Variants in CDK11B observed in about 807,000 individuals in gnomAD.
CDK11B encodes cyclin dependent kinase 11B, also known as cyclin-dependent kinase 11B.
In CDK11B, 37 loss-of-function variants were observed where a neutral mutation model predicts 84.0. The observed-to-expected ratio is 0.44, with a 90% CI of 0.34 to 0.58. CDK11B has a LOEUF of 0.58. Among genes scored for constraint, CDK11B ranks in the 20% least tolerant of loss-of-function variants. The pLI, the probability that CDK11B is intolerant of heterozygous loss-of-function variation, is 0.02. For synonymous variants in CDK11B, 269 were observed against 309.8 expected (o/e 0.87, Z 1.38); for missense variants, 427 against 834.0 (o/e 0.51, Z 6.01).
At position 1,636,140 on chromosome 1, in the gene CDK11B, G is replaced by A. The variant is rs1639236728; in HGVS notation, c.2067-14C>T. On this transcript the variant is annotated splice_polypyrimidine_tract_variant and intron_variant, in intron 18 of 19. Coordinates refer to ENST00000341832, the MANE Select transcript of CDK11B (RefSeq NM_033486.3). ...TAGGTCAGGAACCTGGGGGGAGAGGGCCAGAGGCCCAGGAGGTGCTCGTGT... is the reference window on the plus strand; with the variant it reads ...TAGGTCAGGAACCTGGGGGGAGAGGACCAGAGGCCCAGGAGGTGCTCGTGT... 5.2e-6 allele frequency: 3 copies of A among 574,212 alleles called. No individual in the cohort carries two copies. Among genetic ancestry groups the A allele is most frequent in the African/African-American group, 4.3e-5 (2 of 46,126 alleles). 35.6% of individuals were successfully genotyped at this position (574,212 alleles called of 1,614,324 possible). A position where few individuals can be genotyped will look rare whatever the true frequency, so the allele number is the denominator to read the frequency against.
intron 5 of CDK11B, among the ~76,000 whole-genome samples, chr1:1,648,221 C>T (rs1428719568): frequency 6.6e-6 from 1 of 152,224 alleles, no homozygotes; most frequent in Non-Finnish European, 1.5e-5. Context: ...CCTGTCTTTA[C>T]CTTCTGGGAA....
At chr1:1,651,559 C>G (rs1464587908) in intron 4 of CDK11B, among the ~76,000 whole-genome samples, 1 of 151,166 alleles carries the variant, frequency 6.6e-6, no homozygotes, top group African/African-American at 2.5e-5. Flanking sequence ...CTGTGACACA[C>G]GCATGCTTTC....
At chr1:1,654,327 T>C (rs1046242377) in intron 3 of CDK11B, among the ~76,000 whole-genome samples, 7 of 152,206 alleles carry the variant, frequency 4.6e-5, no homozygotes, top group South Asian at 2.1e-4. Flanking sequence ...GTCTCATCCA[T>C]TTCCTTGTCT....
chr1:1,655,617 G>A, intron 2 of CDK11B, 133 bp from the exon 3 acceptor site: 2 of 1,340,318 alleles, frequency 1.5e-6, no homozygotes, highest in African/African-American at 1.5e-5. Context: ...GAATGAGCCA[G>A]TGTTATAAAA....
chr1:1,653,231 G>C (rs1332364674), intron 3 of CDK11B, among the ~76,000 whole-genome samples: 1 of 150,932 alleles, frequency 6.6e-6, no homozygotes, highest in Admixed American at 6.6e-5. Context: ...CACCATATTG[G>C]TCAGGCTGGT....
intron 10 of CDK11B, among the ~76,000 whole-genome samples, chr1:1,640,721 T>C (rs1171997363): frequency 1.3e-5 from 2 of 152,196 alleles, no homozygotes; most frequent in African/African-American, 4.8e-5. Flanking sequence ...GCTGAGGACA[T>C]AACCTCACTG....
rs753866422 is a variant in CDK11B at position 1,637,192 on chromosome 1, C to G, written c.1581G>C (p.Lys527Asn). 4 of 1,613,412 alleles carry G rather than the reference C, an allele frequency of 2.5e-6. No individual in the cohort carries two copies. The highest frequency in any genetic ancestry group is 1.7e-5 in the Admixed American group (1 of 60,016). ...CACGCAGCAGCTGGATCATCAGGGT[C>G]TTCACCTCCCCTGGGAGGGAGGGAA... ...MKQPFLPGEVKTLMIQLLRGV... is the reference protein window; with the variant it reads ...MKQPFLPGEVNTLMIQLLRGV... Residue 527 changes from lysine (K) to asparagine (N), a missense_variant, in exon 15 of 20, where the codon AAG becomes AAC. Lys to Asn is a moderately conservative substitution (Grantham distance 94, BLOSUM62 0). This residue lies in a region of CDK11B where 19 missense variants were observed against 22.5 expected (regional missense o/e 0.85). Transcript: ENST00000341832.
chr1:1,650,516 C>T lies in CDK11B; in HGVS notation c.356-879G>A, dbSNP rs1279254942. Among the ~76,000 whole-genome samples the T allele has an allele frequency of 2.6e-3, 394 of 151,006 alleles. 1 individual carries two copies. The South Asian group carries it at 0.031, about 12-fold the overall frequency. On this transcript the variant is annotated intron_variant, in intron 4 of 19. Transcript: ENST00000341832. ...GAGTAGCTGGTACTACAGGCGCCTG[C>T]CACCACGCCCGGCTAATTTTTTGTC...
At chr1:1,638,135 C>T (rs993364951) in intron 12 of CDK11B, among the ~76,000 whole-genome samples, 7 of 152,058 alleles carry the variant, frequency 4.6e-5, no homozygotes, top group African/African-American at 1.7e-4. Flanking sequence ...CCAGCGGCCA[C>T]GCCGACTCCA....
intron 11 of CDK11B, among the ~76,000 whole-genome samples, chr1:1,639,948 G>A (rs1013276921): frequency 6.6e-5 from 10 of 151,614 alleles, no homozygotes; most frequent in South Asian, 6.3e-4. Flanking sequence ...CCACGCAGGG[G>A]TCAAGTGGAA....
intron 15 of CDK11B, 37 bp from the exon 16 acceptor site, chr1:1,637,041 G>C: frequency 6.2e-7 from 1 of 1,613,276 alleles, no homozygotes; most frequent in East Asian, 2.2e-5. Flanking sequence ...GTGGGCCCCG[G>C]CAGGTCTCCC....
Position 1,636,995 on chromosome 1 carries a change from A to C in CDK11B, c.1702T>G (p.Phe568Val), listed in dbSNP as rs1420640807. ...GATCCGTACTCCCGCGCCAGCCCGA[A>C]GTCACCCACCTGCAACGACAGATGG... ...SHAGILKVGDFGLAREYGSPL... is the reference protein window; with the variant it reads ...SHAGILKVGDVGLAREYGSPL... The change falls in exon 16 of 20, where the codon TTC (phenylalanine) becomes GTC (valine). Residue 568 changes from phenylalanine (F) to valine (V), a missense_variant. Physicochemically the swap from Phe to Val is conservative, Grantham distance 50 (BLOSUM62 -1). Coordinates refer to ENST00000341832, the MANE Select transcript of CDK11B (RefSeq NM_033486.3). 1.2e-6 allele frequency: 2 copies of C among 1,612,336 alleles called. No individual in the cohort carries two copies. The highest frequency in any genetic ancestry group is 8.5e-7 in the Non-Finnish European group (1 of 1,179,160).
intron 3 of CDK11B, among the ~76,000 whole-genome samples, chr1:1,654,563 G>A (rs1334306138): frequency 2.0e-5 from 3 of 152,046 alleles, no homozygotes; most frequent in African/African-American, 4.8e-5. Flanking sequence ...GATTACAGGC[G>A]TGAGCTGCCG....
rs1639567315 is a variant in CDK11B at position 1,637,581 on chromosome 1, G to A, written c.1465-68C>T. The A allele has an allele frequency of 1.9e-6, 3 of 1,608,136 alleles. No individual in the cohort carries two copies. In the African/African-American group the frequency reaches 4.0e-5, roughly 21 times the overall value. On this transcript the variant is annotated intron_variant, in intron 13 of 19. Coordinates refer to ENST00000341832, the MANE Select transcript of CDK11B (RefSeq NM_033486.3). ...CCACCCACCCCTGCACCCGGGTGCA[G>A]CTGCTGAGGGACAGTAAGGACCTCC... is the stretch of plus-strand genomic sequence containing the variant.
At chr1:1,654,124 T>C (rs756340832) in intron 3 of CDK11B, 2 of 464,086 alleles carry the variant, frequency 4.3e-6, no homozygotes, top group Admixed American at 2.3e-5. Flanking sequence ...CTTAAGCTTC[T>C]CAGGAAAACC....
In CDK11B at chr1:1,636,478, G is replaced by A. The variant is rs1454029885; in HGVS notation, c.1921C>T (p.Leu641=). Residue 641 remains leucine, a synonymous_variant, in exon 18 of 20, where the codon CTG becomes TTG. Coordinates refer to ENST00000341832, the MANE Select transcript of CDK11B (RefSeq NM_033486.3). ...IDQINKVFKD[L]GTPSEKIWPG... ...CAGATTTTCTCACTAGGGGTCCCCA[G>A]ATCCTGAAAGACAGAGGTGCTTCAA... The A allele has an allele frequency of 1.2e-6, 2 of 1,611,160 alleles. No individual in the cohort carries two copies. The highest frequency in any genetic ancestry group is 1.7e-6 in the Non-Finnish European group (2 of 1,178,660).
Position 1,639,548 on chromosome 1 carries a change from C to G in CDK11B, c.1251+729G>C, listed in dbSNP as rs116064804. 3.5e-3 allele frequency among the ~76,000 whole-genome samples: 529 copies of G among 152,000 alleles called. 14 individuals carry two copies. Among genetic ancestry groups the G allele is most frequent in the African/African-American group, 9.0e-3 (375 of 41,448 alleles). Reference sequence around the variant, plus strand: ...CCCCATGCCAGGGCACCTACCCCTCCGTGTACCTTGGGGCCGGTGCCCAGG... The same window carrying G: ...CCCCATGCCAGGGCACCTACCCCTCGGTGTACCTTGGGGCCGGTGCCCAGG... On this transcript the variant is annotated intron_variant, in intron 11 of 19. Coordinates refer to ENST00000341832, the MANE Select transcript of CDK11B (RefSeq NM_033486.3).
chr1:1,639,831 A>C lies in CDK11B; in HGVS notation c.1251+446T>G, dbSNP rs17162879. Among the ~76,000 whole-genome samples the C allele has an allele frequency of 4.0e-5, 6 of 151,634 alleles. No individual in the cohort carries two copies. In the South Asian group the frequency reaches 6.2e-4, roughly 16 times the overall value. On this transcript the variant is annotated intron_variant, in intron 11 of 19. Coordinates refer to ENST00000341832, the MANE Select transcript of CDK11B (RefSeq NM_033486.3). ...TATCCTGCCTTATTGATAGCTGCCT[A>C]AGCAAAAGGCTTCTGGTCACACATC...
chr1:1,656,556 G>C (rs1390309116), intron 2 of CDK11B, among the ~76,000 whole-genome samples: 2 of 152,146 alleles, frequency 1.3e-5, no homozygotes, highest in Non-Finnish European at 2.9e-5. Flanking sequence ...TTGGGAGGCC[G>C]AGGTGGGTGG....
Sources: gnomAD v4.1 joint callset for allele counts (sites outside exome capture counted in the v4.1 genomes callset) on GRCh38, gnomAD v4.1.1 for gene constraint, gnomAD v4.1.1 regional missense constraint, MANE v1.5 for transcripts, NCBI Gene and HGNC (gene_info 2026-07-23, HGNC 2026-07-21) for gene names.